TMEM132C: variants seen among roughly 807,000 people sequenced by gnomAD.
TMEM132C encodes transmembrane protein 132C.
A neutral mutation model predicts 61.4 loss-of-function variants in TMEM132C; 29 were observed. The ratio of observed to expected loss-of-function variants is 0.47; its 90% CI spans 0.35 to 0.64. The LOEUF is 0.64. Among genes scored for constraint, TMEM132C ranks in the 30% least tolerant of loss-of-function variants. The pLI is 0.00. For missense variants in TMEM132C, 1,408 were observed against 1,476.9 expected, an observed-to-expected ratio of 0.95 and a Z score of 0.76; for synonymous variants, 656 against 633.1, an observed-to-expected ratio of 1.04 and a Z score of -0.54.
chr12:128,420,705 C>T (rs2136026717), intron 2 of TMEM132C, among the ~76,000 whole-genome samples: 1 of 152,210 alleles, frequency 6.6e-6, no homozygotes, highest in Non-Finnish European at 1.5e-5. Context: ...AAATTTAAAG[C>T]TAGGACTGAT....
At chr12:128,318,259 G>A (rs1236564954) in intron 1 of TMEM132C, among the ~76,000 whole-genome samples, 4 of 152,158 alleles carry the variant, frequency 2.6e-5, no homozygotes. Flanking sequence ...ACCACAAATG[G>A]CTCTTTATCA....
At chr12:128,686,854 G>A (rs1014320319) in intron 5 of TMEM132C, among the ~76,000 whole-genome samples, 5 of 152,184 alleles carry the variant, frequency 3.3e-5, no homozygotes, top group Admixed American at 3.3e-4. Context: ...AATCTAGAGA[G>A]AGGAAGCAAG....
intron 1 of TMEM132C, among the ~76,000 whole-genome samples, chr12:128,331,095 C>T (rs946628006): frequency 6.6e-6 from 1 of 152,010 alleles, no homozygotes; most frequent in Non-Finnish European, 1.5e-5. Context: ...CCTCTTTCCC[C>T]CTGCCCCCCA....
Position 128,568,543 on chromosome 12 carries a change from G to A in TMEM132C, c.1121+24440G>A, listed in dbSNP as rs761053174. On this transcript the variant is annotated intron_variant, in intron 3 of 8. Transcript: ENST00000435159. The stretch of plus-strand genomic sequence containing the variant: ...ACTTATTTAATCTCCACATCCCTAC[G>A]AGGTGGGTGTGGTTATCAGCTCTGG... Among the ~76,000 whole-genome samples the A allele has an allele frequency of 4.6e-5, 7 of 152,254 alleles. 1 individual carries two copies. In the South Asian group the frequency reaches 1.2e-3, roughly 27 times the overall value.
intron 3 of TMEM132C, among the ~76,000 whole-genome samples, chr12:128,562,208 C>G (rs1874546956): frequency 6.6e-6 from 1 of 152,146 alleles, no homozygotes; most frequent in Non-Finnish European, 1.5e-5. Flanking sequence ...CTTAAGTTGG[C>G]AAAATATTTG....
chr12:128,513,739 T>C (rs1347655113), intron 2 of TMEM132C, among the ~76,000 whole-genome samples: 1 of 152,206 alleles, frequency 6.6e-6, no homozygotes. Context: ...TGAAGAATTG[T>C]CTAGGGGCTA....
chr12:128,512,054 G>A (rs931847215), intron 2 of TMEM132C, among the ~76,000 whole-genome samples: 3 of 151,922 alleles, frequency 2.0e-5, no homozygotes, highest in East Asian at 1.9e-4. Context: ...CGCCCCTGTC[G>A]GCCACAGGCA....
chr12:128,345,629 C>G (rs1053865075), intron 1 of TMEM132C, among the ~76,000 whole-genome samples: 1 of 151,724 alleles, frequency 6.6e-6, no homozygotes, highest in Non-Finnish European at 1.5e-5. Context: ...GATGGTGTCC[C>G]ATTGCAGTTT....
intron 4 of TMEM132C, among the ~76,000 whole-genome samples, chr12:128,643,217 G>T (rs1954170994): frequency 6.6e-6 from 1 of 152,184 alleles, no homozygotes; most frequent in Non-Finnish European, 1.5e-5. Context: ...ATTACCGCTT[G>T]TGCTTCTCAA....
chr12:128,418,164 A>G (rs991852138), intron 2 of TMEM132C, among the ~76,000 whole-genome samples: 4 of 152,194 alleles, frequency 2.6e-5, no homozygotes, highest in African/African-American at 7.2e-5. Context: ...GCTAAAAGCA[A>G]TTGCTCATGA....
At chr12:128,642,217 C>T (rs559907615) in intron 4 of TMEM132C, among the ~76,000 whole-genome samples, 16 of 152,116 alleles carry the variant, frequency 1.1e-4, no homozygotes, top group Non-Finnish European at 2.2e-4. Context: ...CTGCAAGCTC[C>T]ACCTCTCGGG....
intron 4 of TMEM132C, among the ~76,000 whole-genome samples, chr12:128,645,381 A>G (rs1008760937): frequency 6.6e-6 from 1 of 152,020 alleles, no homozygotes; most frequent in Non-Finnish European, 1.5e-5. Context: ...GCATCTTCCT[A>G]CCAAGACGTG....
intron 1 of TMEM132C, among the ~76,000 whole-genome samples, chr12:128,333,211 A>G (rs1872706044): frequency 6.8e-6 from 1 of 147,824 alleles, no homozygotes; most frequent in South Asian, 2.2e-4. Context: ...TGTATGTGTG[A>G]GAGTGTGTGA....
intron 3 of TMEM132C, among the ~76,000 whole-genome samples, chr12:128,567,809 C>T (rs998919323): frequency 3.9e-5 from 6 of 152,184 alleles, no homozygotes; most frequent in African/African-American, 1.2e-4. Context: ...AGAGTTCTGA[C>T]GACCAGTCTG....
intron 1 of TMEM132C, among the ~76,000 whole-genome samples, chr12:128,305,457 C>T (rs1035120939): frequency 3.9e-5 from 6 of 151,994 alleles, no homozygotes; most frequent in Non-Finnish European, 5.9e-5. Flanking sequence ...AGTACCAAGC[C>T]TGAGAACTCA....
chr12:128,553,687 T>C (rs933048249), intron 3 of TMEM132C, among the ~76,000 whole-genome samples: 1 of 152,176 alleles, frequency 6.6e-6, no homozygotes, highest in Non-Finnish European at 1.5e-5. Context: ...CACTGCCTTT[T>C]CCCCCCATTC....
chr12:128,400,940 A>C (rs1039942329), intron 1 of TMEM132C, among the ~76,000 whole-genome samples: 1 of 152,018 alleles, frequency 6.6e-6, no homozygotes, highest in Non-Finnish European at 1.5e-5. Flanking sequence ...CAACAGAAAA[A>C]ATCTCCAGAC....
intron 3 of TMEM132C, among the ~76,000 whole-genome samples, chr12:128,553,453 G>A (rs893761737): frequency 2.0e-5 from 3 of 152,112 alleles, no homozygotes; most frequent in Non-Finnish European, 4.4e-5. Context: ...GTATATCGAA[G>A]TATTTTTATA....
intron 1 of TMEM132C, among the ~76,000 whole-genome samples, chr12:128,357,239 C>A (rs2135968075): frequency 6.6e-6 from 1 of 152,260 alleles, no homozygotes; most frequent in African/African-American, 2.4e-5. Flanking sequence ...TGGCTGTCAT[C>A]CCGTCCTATC....
Sources: allele counts gnomAD v4.1 joint callset (sites outside exome capture counted in the v4.1 genomes callset), GRCh38; gene constraint gnomAD v4.1.1; transcripts MANE v1.5; gene names NCBI Gene and HGNC (gene_info 2026-07-23, HGNC 2026-07-21).